RIPOR2: variants seen among roughly 807,000 people sequenced by gnomAD.
RIPOR2 encodes RHO family interacting cell polarization regulator 2.
A neutral mutation model predicts 114.5 loss-of-function variants in RIPOR2; 39 were observed. The observed-to-expected ratio is 0.34, with a 90% CI of 0.26 to 0.44. The LOEUF (loss-of-function observed/expected upper bound fraction) is 0.44, where lower values mean the gene tolerates loss of function less well. RIPOR2 is among the 20% of genes least tolerant of loss of function. The pLI is 1.00. For synonymous variants in RIPOR2, 445 were observed against 484.4 expected (o/e 0.92, Z 1.07); for missense variants, 1,007 against 1,255.1 (o/e 0.80, Z 2.99).
chr6:24,843,978 A>G (rs902948526), intron 12 of RIPOR2, among the ~76,000 whole-genome samples: 2 of 152,100 alleles, frequency 1.3e-5, no homozygotes, highest in Non-Finnish European at 2.9e-5. Flanking sequence ...TCCAACATCC[A>G]TGCAATTTAG....
At chr6:24,974,012 G>T (rs1390524037) in intron 1 of RIPOR2, among the ~76,000 whole-genome samples, 1 of 152,176 alleles carries the variant, frequency 6.6e-6, no homozygotes, top group Non-Finnish European at 1.5e-5. Context: ...CACTACCTGG[G>T]TGACCTGGGT....
rs557035328 is a variant in RIPOR2, at chr6:24,932,262, G to A, written c.61+3576C>T. ...CAGGAAAGATTAAGCCTACTTGAGA[G>A]TAACCATTTTCTAAATGACGTGATG... On this transcript the variant is annotated intron_variant, in intron 1 of 21. Coordinates refer to ENST00000643898, the MANE Select transcript of RIPOR2 (RefSeq NM_001286445.3). Among the ~76,000 whole-genome samples, 4 of 152,150 alleles carry A rather than the reference G, an allele frequency of 2.6e-5. No individual in the cohort carries two copies. In the South Asian group the frequency reaches 6.2e-4, roughly 24 times the overall value.
At chr6:24,825,009 C>A (rs1760029875) in intron 19 of RIPOR2, among the ~76,000 whole-genome samples, 1 of 152,274 alleles carries the variant, frequency 6.6e-6, no homozygotes, top group Non-Finnish European at 1.5e-5. Context: ...TAGATACAAT[C>A]TGAAAGAAGA....
intron 1 of RIPOR2, among the ~76,000 whole-genome samples, chr6:24,892,730 A>G (rs1767484582): frequency 6.6e-6 from 1 of 152,202 alleles, no homozygotes; most frequent in Non-Finnish European, 1.5e-5. Flanking sequence ...CTTACTGATT[A>G]ATGAATTTAT....
chr6:24,992,990 T>C (rs1204510760), intron 1 of RIPOR2, among the ~76,000 whole-genome samples: 1 of 152,210 alleles, frequency 6.6e-6, no homozygotes, highest in Non-Finnish European at 1.5e-5. Flanking sequence ...GCAATAAGGA[T>C]ATCTTTGAAT....
intron 1 of RIPOR2, among the ~76,000 whole-genome samples, chr6:24,902,739 A>C (rs766666288): frequency 1.3e-5 from 2 of 152,236 alleles, no homozygotes; most frequent in Non-Finnish European, 2.9e-5. Context: ...CCGGCAAACA[A>C]ACCAAAATGT....
At chr6:24,905,130 A>C (rs1768843351) in intron 1 of RIPOR2, among the ~76,000 whole-genome samples, 1 of 152,132 alleles carries the variant, frequency 6.6e-6, no homozygotes, top group African/African-American at 2.4e-5. Flanking sequence ...CCTGTTTTAC[A>C]ATGTACTTTT....
At chr6:24,845,162 A>T (rs1762136615) in intron 12 of RIPOR2, among the ~76,000 whole-genome samples, 1 of 151,996 alleles carries the variant, frequency 6.6e-6, no homozygotes, top group Non-Finnish European at 1.5e-5. Flanking sequence ...TTACCTCCCA[A>T]ACTGAGGATG....
upstream of RIPOR2, among the ~76,000 whole-genome samples, chr6:24,940,529 C>T (rs940199740): frequency 6.6e-6 from 1 of 152,112 alleles, no homozygotes; most frequent in South Asian, 2.1e-4. Context: ...GTGAAAAAAA[C>T]CACAGAGTCA....
chr6:25,035,486 G>A (rs303029), intron 1 of RIPOR2, among the ~76,000 whole-genome samples: 13,664 of 152,108 alleles, frequency 0.09, 1,075 homozygotes, highest in African/African-American at 0.22. Context: ...TGGTCAGAAC[G>A]GCAGCAAGAG....
chr6:24,852,158 A>C (rs1353492135), intron 9 of RIPOR2, among the ~76,000 whole-genome samples: 1 of 152,168 alleles, frequency 6.6e-6, no homozygotes, highest in Non-Finnish European at 1.5e-5. Flanking sequence ...GCTACTCCAG[A>C]GGCCGAGGCA....
intron 1 of RIPOR2, among the ~76,000 whole-genome samples, chr6:24,952,852 A>T (rs618388): frequency 0.79 from 120,785 of 152,072 alleles, 51,582 homozygotes; most frequent in East Asian, 0.96. Context: ...AAAGAATAAC[A>T]TACACATGTA....
intron 1 of RIPOR2, among the ~76,000 whole-genome samples, chr6:24,951,026 C>A (rs1772723239): frequency 6.6e-6 from 1 of 152,184 alleles, no homozygotes; most frequent in Admixed American, 6.5e-5. Context: ...TGATAGAAAT[C>A]AATGTTCCAG....
chr6:24,847,717 G>C (rs1373191375), intron 12 of RIPOR2: 2 of 1,537,322 alleles, frequency 1.3e-6, no homozygotes, highest in African/African-American at 1.4e-5. Flanking sequence ...CAAGATGGGG[G>C]AGTTAGTGGG....
At chr6:25,028,901 G>A (rs1776756457) in intron 1 of RIPOR2, among the ~76,000 whole-genome samples, 1 of 152,240 alleles carries the variant, frequency 6.6e-6, no homozygotes, top group Non-Finnish European at 1.5e-5. Context: ...GGTAAGGAAA[G>A]GCCCTGAGAA....
At chr6:24,918,411 C>A (rs1770246189) in intron 1 of RIPOR2, among the ~76,000 whole-genome samples, 1 of 152,088 alleles carries the variant, frequency 6.6e-6, no homozygotes, top group African/African-American at 2.4e-5. Flanking sequence ...ATTTAATTTT[C>A]ATTTCTCTTT....
intron 1 of RIPOR2, among the ~76,000 whole-genome samples, chr6:24,915,630 T>G (rs1183058557): frequency 1.5e-4 from 23 of 152,230 alleles, no homozygotes; most frequent in Non-Finnish European, 1.5e-5. Flanking sequence ...CCCGAAGTGC[T>G]AGGATTACAG....
intron 1 of RIPOR2, among the ~76,000 whole-genome samples, chr6:24,932,883 C>T (rs1771510336): frequency 6.6e-6 from 1 of 152,030 alleles, no homozygotes; most frequent in South Asian, 2.1e-4. Context: ...TGCGTGAATC[C>T]TAGAACAAGC....
At chr6:25,027,955 C>T (rs894681819) in intron 1 of RIPOR2, among the ~76,000 whole-genome samples, 2 of 152,282 alleles carry the variant, frequency 1.3e-5, no homozygotes, top group African/African-American at 2.4e-5. Flanking sequence ...GGGCACTGTC[C>T]GCTGGAAGTG....
Sources: gnomAD v4.1 joint callset for allele counts (sites outside exome capture counted in the v4.1 genomes callset) on GRCh38, gnomAD v4.1.1 for gene constraint, MANE v1.5 for transcripts, NCBI Gene and HGNC (gene_info 2026-07-23, HGNC 2026-07-21) for gene names.